The following SGPP2 variants were observed in gnomAD, a reference collection of about 807,000 sequenced individuals.
SGPP2 encodes the protein sphingosine 1-phosphate phosphohydrolase 2.
SGPP2 carries 30 observed loss-of-function variants against 33.9 expected under a neutral mutation model. The ratio of observed to expected loss-of-function variants is 0.89; its 90% CI spans 0.66 to 1.20. The LOEUF (loss-of-function observed/expected upper bound fraction) is 1.20, where lower values mean the gene tolerates loss of function less well. SGPP2 is among the 50% of genes most tolerant of loss of function. The pLI, the probability that SGPP2 is intolerant of heterozygous loss-of-function variation, is 0.00. For synonymous variants in SGPP2, 233 were observed against 225.0 expected, an observed-to-expected ratio of 1.04 and a Z score of -0.32; for missense variants, 458 against 532.1, an observed-to-expected ratio of 0.86 and a Z score of 1.37.
chr2:222,559,074 G>A lies in SGPP2; in HGVS notation c.*176G>A, dbSNP rs1241683841. On this transcript the variant is annotated 3_prime_UTR_variant, in exon 5 of 5. Transcript: ENST00000321276. ...GTGAAAGGAAGAACTGTCTCATAGCGGTCATTGGTCGTCCGTGGTGGTTGG... is the reference window on the plus strand; with the variant it reads ...GTGAAAGGAAGAACTGTCTCATAGCAGTCATTGGTCGTCCGTGGTGGTTGG... The A allele has an allele frequency of 1.9e-5, 12 of 632,682 alleles. No homozygotes were observed. Among genetic ancestry groups the A allele is most frequent in the African/African-American group, 5.5e-5 (3 of 54,364 alleles). 39.2% of individuals were successfully genotyped at this position (632,682 alleles called of 1,614,324 possible). A position where few individuals can be genotyped will look rare whatever the true frequency, so the allele number is the denominator to read the frequency against.
In SGPP2 at chr2:222,466,253, C is replaced by CTT. The variant is rs34005867; in HGVS notation, c.220-8292_220-8291dup. Among the ~76,000 whole-genome samples, 886 of 104,656 alleles carry CTT rather than the reference C, an allele frequency of 8.5e-3. 33 individuals carry two copies. The highest frequency in any genetic ancestry group is 0.017 in the African/African-American group (471 of 26,988). 68.7% of individuals were successfully genotyped at this position (104,656 alleles called of 152,430 possible). A position where few individuals can be genotyped will look rare whatever the true frequency, so the allele number is the denominator to read the frequency against. ...TTTGGAAAAACTTTGCTGTTTTCAACTTTTTTTTTTTTTTTTTTTTTTTTA... is the reference window on the plus strand; with the variant it reads ...TTTGGAAAAACTTTGCTGTTTTCAACTTTTTTTTTTTTTTTTTTTTTTTTTTA... On this transcript the variant is annotated intron_variant, in intron 1 of 4. Transcript: ENST00000321276.
At chr2:222,450,202 A>G (rs1286644481) in intron 1 of SGPP2, among the ~76,000 whole-genome samples, 1 of 152,140 alleles carries the variant, frequency 6.6e-6, no homozygotes, top group Non-Finnish European at 1.5e-5. Flanking sequence ...ACCCCACGTT[A>G]TTTACTAGCA....
intron 2 of SGPP2, among the ~76,000 whole-genome samples, chr2:222,480,368 T>C (rs2106101914): frequency 6.6e-6 from 1 of 152,356 alleles, no homozygotes; most frequent in Non-Finnish European, 1.5e-5. Context: ...TACACTGATA[T>C]TTCTTTCCAC....
At chr2:222,546,762 G>A (rs1689208167) in intron 4 of SGPP2, among the ~76,000 whole-genome samples, 1 of 148,896 alleles carries the variant, frequency 6.7e-6, no homozygotes, top group South Asian at 2.1e-4. Context: ...ATCACTCTAG[G>A]ACTTTCAAAG....
intron 2 of SGPP2, among the ~76,000 whole-genome samples, chr2:222,513,918 T>G (rs1205760458): frequency 1.3e-5 from 2 of 152,206 alleles, no homozygotes; most frequent in East Asian, 3.8e-4. Context: ...ATTTTCCATC[T>G]CTATGGAGTT....
chr2:222,491,388 G>A (rs894746200), intron 2 of SGPP2, among the ~76,000 whole-genome samples: 17 of 152,130 alleles, frequency 1.1e-4, no homozygotes, highest in African/African-American at 4.1e-4. Flanking sequence ...AAACAACGGA[G>A]GTTTAATTGA....
intron 1 of SGPP2, chr2:222,452,701 T>A: frequency 7.3e-7 from 1 of 1,372,738 alleles, no homozygotes; most frequent in Non-Finnish European, 1.0e-6. Flanking sequence ...CAGCTTGAAT[T>A]GCTCCAGGTC....
At chr2:222,452,228 G>A (rs570198452) in intron 1 of SGPP2, among the ~76,000 whole-genome samples, 27 of 152,190 alleles carry the variant, frequency 1.8e-4, no homozygotes, top group African/African-American at 6.3e-4. Context: ...AAACCTCTCT[G>A]ATTAGGCTTC....
At position 222,558,940 on chromosome 2, in the gene SGPP2, A is replaced by C; in HGVS notation, c.*42A>C. On this transcript the variant is annotated 3_prime_UTR_variant, in exon 5 of 5. Transcript: ENST00000321276. ...AACTAGCCCACTGGACATGAAAGCCAAGACATAGGAAAGTTATTGGTAGGC... is the reference window on the plus strand; with the variant it reads ...AACTAGCCCACTGGACATGAAAGCCCAGACATAGGAAAGTTATTGGTAGGC... The C allele has an allele frequency of 6.4e-7, 1 of 1,563,702 alleles. No individual in the cohort carries two copies. Among genetic ancestry groups the C allele is most frequent in the Non-Finnish European group, 8.7e-7 (1 of 1,149,812 alleles).
intron 3 of SGPP2, among the ~76,000 whole-genome samples, chr2:222,522,430 T>G (rs1184951718): frequency 6.6e-6 from 1 of 152,206 alleles, no homozygotes; most frequent in African/African-American, 2.4e-5. Flanking sequence ...TCTGCCCTGG[T>G]TAAGGCTCAG....
intron 1 of SGPP2, among the ~76,000 whole-genome samples, chr2:222,450,933 C>CT (rs976301278): frequency 7.2e-5 from 11 of 151,854 alleles, no homozygotes; most frequent in South Asian, 6.2e-4. Context: ...TTTTCTGCAT[C>CT]TTTTTTTTAA....
intron 1 of SGPP2, among the ~76,000 whole-genome samples, chr2:222,445,397 T>C (rs1050196816): frequency 1.3e-5 from 2 of 152,216 alleles, no homozygotes; most frequent in African/African-American, 4.8e-5. Flanking sequence ...AGTTGCTTCC[T>C]TGCACCATAG....
At chr2:222,448,392 G>A (rs923771495) in intron 1 of SGPP2, among the ~76,000 whole-genome samples, 3 of 152,200 alleles carry the variant, frequency 2.0e-5, no homozygotes, top group African/African-American at 7.2e-5. Flanking sequence ...GCAAGCTGGA[G>A]GGATGGTTGA....
intron 2 of SGPP2, among the ~76,000 whole-genome samples, chr2:222,475,157 C>T (rs1342530545): frequency 6.6e-6 from 1 of 152,018 alleles, no homozygotes; most frequent in Non-Finnish European, 1.5e-5. Flanking sequence ...AGGTCAGGTG[C>T]CTCCCAGGTT....
rs145848213 is a variant in SGPP2, at chr2:222,433,666, G to T, written c.219+8845G>T. Among the ~76,000 whole-genome samples the T allele has an allele frequency of 7.6e-3, 1,138 of 149,926 alleles. 9 individuals carry two copies. Among genetic ancestry groups the T allele is most frequent in the Admixed American group, 0.014 (212 of 14,826 alleles). On this transcript the variant is annotated intron_variant, in intron 1 of 4. Transcript: ENST00000321276. ...TAACTTATCCCTGGACACTTGGCCT[G>T]GCTGTGTCTTCTTGTAGCTTGATGA...
intron 3 of SGPP2, among the ~76,000 whole-genome samples, chr2:222,522,809 G>T (rs1369824742): frequency 6.6e-6 from 1 of 152,118 alleles, no homozygotes; most frequent in Non-Finnish European, 1.5e-5. Context: ...TTCACAAGTA[G>T]CTGAGACCAC....
chr2:222,451,395 A>G (rs1334258013), intron 1 of SGPP2, among the ~76,000 whole-genome samples: 2 of 152,272 alleles, frequency 1.3e-5, no homozygotes. Context: ...TTTAGAAAGT[A>G]TGTGACCACA....
chr2:222,501,371 T>G (rs1279668494), intron 2 of SGPP2, among the ~76,000 whole-genome samples: 1 of 152,148 alleles, frequency 6.6e-6, no homozygotes, highest in African/African-American at 2.4e-5. Flanking sequence ...TGAATTCTAT[T>G]AAGAACAAAA....
At chr2:222,545,441 C>T (rs1689170260) in intron 4 of SGPP2, among the ~76,000 whole-genome samples, 1 of 152,110 alleles carries the variant, frequency 6.6e-6, no homozygotes, top group African/African-American at 2.4e-5. Context: ...GCCACCACGC[C>T]TGGCTAATTT....
Sources: allele counts gnomAD v4.1 joint callset (sites outside exome capture counted in the v4.1 genomes callset), GRCh38; gene constraint gnomAD v4.1.1; transcripts MANE v1.5; gene names NCBI Gene and HGNC (gene_info 2026-07-23, HGNC 2026-07-21).